RRBP1: variants seen among roughly 807,000 people sequenced by gnomAD.
The protein encoded by RRBP1 is ribosome-binding protein 1.
A neutral mutation model predicts 165.2 loss-of-function variants in RRBP1; 94 were observed. The ratio of observed to expected loss-of-function variants is 0.57; its 90% CI spans 0.48 to 0.68. RRBP1 has a LOEUF of 0.68. Among genes scored for constraint, RRBP1 ranks in the 30% least tolerant of loss-of-function variants. The pLI is 0.00. For missense variants in RRBP1, 1,676 were observed against 1,763.0 expected (o/e 0.95, Z 0.88); for synonymous variants, 680 against 714.5 (o/e 0.95, Z 0.77).
At chr20:17,627,476 TCC>T in intron 10 of RRBP1, 26 bp downstream of exon 10, 1 of 1,605,246 alleles carries the variant, frequency 6.2e-7, no homozygotes, top group African/African-American at 1.3e-5. Context: ...TTCCCTTTCC[TCC>T]CCGTGGCCCC....
At chr20:17,677,946 G>GGA (rs1188323278) in intron 2 of RRBP1, among the ~76,000 whole-genome samples, 2 of 152,206 alleles carry the variant, frequency 1.3e-5, no homozygotes, top group Non-Finnish European at 2.9e-5. Flanking sequence ...CAAGAACACT[G>GGA]GAACTCCAAT....
chr20:17,681,943 C>T (rs945436278), intron 1 of RRBP1, 85 bp downstream of exon 1: 1 of 147,414 alleles, frequency 6.8e-6, no homozygotes, highest in African/African-American at 2.4e-5. Flanking sequence ...GGAGACGTGT[C>T]ACTCGCGGCG....
chr20:17,641,766 C>T (rs761188318), intron 5 of RRBP1, 31 bp downstream of exon 5: 3 of 1,609,846 alleles, frequency 1.9e-6, no homozygotes, highest in Middle Eastern at 2.2e-4. Context: ...CGGGAGAGGA[C>T]AAACCATCTC....
intron 3 of RRBP1, among the ~76,000 whole-genome samples, chr20:17,644,544 C>G (rs571807575): frequency 6.6e-6 from 1 of 152,336 alleles, no homozygotes. Flanking sequence ...CCAGCACTTT[C>G]CAGGAGACAG....
chr20:17,635,093 G>A (rs1004290423), intron 7 of RRBP1, among the ~76,000 whole-genome samples: 1 of 152,168 alleles, frequency 6.6e-6, no homozygotes, highest in African/African-American at 2.4e-5. Flanking sequence ...GGTTTCTCGA[G>A]GGCTGCCACT....
intron 2 of RRBP1, among the ~76,000 whole-genome samples, chr20:17,661,221 T>C (rs79560037): frequency 0.013 from 1,998 of 152,284 alleles, 26 homozygotes; most frequent in South Asian, 0.05. Flanking sequence ...GGATCAGAGA[T>C]AAAAACTTCT....
intron 13 of RRBP1, chr20:17,623,126 A>G (rs942153450): frequency 1.3e-5 from 2 of 152,254 alleles, no homozygotes; most frequent in Non-Finnish European, 2.9e-5. Flanking sequence ...ACCACAATCA[A>G]GTCAGGTGAC....
At chr20:17,625,681 G>T in intron 11 of RRBP1, 79 bp from the exon 12 acceptor site, 1 of 1,201,920 alleles carries the variant, frequency 8.3e-7, no homozygotes, top group African/African-American at 1.5e-5. Context: ...GCCCCATCCA[G>T]GGAGGAGTAC....
intron 2 of RRBP1, among the ~76,000 whole-genome samples, chr20:17,675,158 G>A (rs947162903): frequency 1.3e-4 from 20 of 152,256 alleles, no homozygotes; most frequent in Non-Finnish European, 2.8e-4. Flanking sequence ...CGCTGGAAGG[G>A]CAGGATGTCC....
intron 3 of RRBP1, among the ~76,000 whole-genome samples, chr20:17,649,271 G>A (rs1443207180): frequency 6.6e-6 from 1 of 152,166 alleles, no homozygotes; most frequent in Non-Finnish European, 1.5e-5. Flanking sequence ...TGCAACTGCC[G>A]GCGAGAAGGG....
At chr20:17,624,478 A>G in intron 13 of RRBP1, 98 bp downstream of exon 13, 1 of 804,110 alleles carries the variant, frequency 1.2e-6, no homozygotes, top group Admixed American at 2.0e-5. Flanking sequence ...TGTGCGTCCT[A>G]GAGCATCTGG....
intron 2 of RRBP1, among the ~76,000 whole-genome samples, chr20:17,670,040 A>G (rs925401441): frequency 6.6e-6 from 1 of 152,170 alleles, no homozygotes; most frequent in Non-Finnish European, 1.5e-5. Context: ...GTCTCTCTTT[A>G]GTGTGAGATT....
At chr20:17,625,433 T>A (rs2035998191) in intron 12 of RRBP1, 79 bp downstream of exon 12, 1 of 1,238,098 alleles carries the variant, frequency 8.1e-7, no homozygotes, top group African/African-American at 1.5e-5. Flanking sequence ...CCAGGGCGGG[T>A]GCCACATAGC....
Position 17,636,731 on chromosome 20 carries a change from T to G in RRBP1, c.2185-2A>C. ...TTTGGCCTTTTCTGCTGCCATCTCC[T>G]GGGGGGAAAGTAGCAGAGAGAGGGG... On this transcript the variant is annotated splice_acceptor_variant, in intron 5 of 24. Coordinates refer to ENST00000377813, the MANE Select transcript of RRBP1 (RefSeq NM_001365613.2). LOFTEE classifies it high-confidence loss of function. 1 of 1,612,548 alleles carries G rather than the reference T, an allele frequency of 6.2e-7. No homozygotes were observed. The highest frequency in any genetic ancestry group is 8.5e-7 in the Non-Finnish European group (1 of 1,179,994).
chr20:17,632,865 T>C (rs977963855), intron 8 of RRBP1, among the ~76,000 whole-genome samples: 2 of 151,844 alleles, frequency 1.3e-5, no homozygotes, highest in Admixed American at 1.3e-4. Context: ...ACAATCTTCC[T>C]CCCTCTGAAG....
chr20:17,649,198 T>C (rs1017154792), intron 3 of RRBP1, among the ~76,000 whole-genome samples: 2 of 152,228 alleles, frequency 1.3e-5, no homozygotes, highest in Non-Finnish European at 2.9e-5. Context: ...CTTCAGACCC[T>C]GAGAAACTGA....
intron 2 of RRBP1, among the ~76,000 whole-genome samples, chr20:17,674,455 T>C (rs1346400393): frequency 1.3e-5 from 2 of 151,658 alleles, no homozygotes; most frequent in African/African-American, 2.4e-5. Flanking sequence ...GAAAACAAAA[T>C]GTAATGCCAA....
At chr20:17,623,575 C>A (rs932926246) in intron 13 of RRBP1, among the ~76,000 whole-genome samples, 1 of 152,216 alleles carries the variant, frequency 6.6e-6, no homozygotes, top group South Asian at 2.1e-4. Flanking sequence ...GAGCGCAGGG[C>A]CAACGCGGCC....
rs1052815 is a variant in RRBP1 at position 17,613,952 on chromosome 20, G to A, written c.*230C>T. ...CTTTGGCGTCACTCGGCGGTGGCCC[G>A]GGGCTGCGCCCAGGATAGTGTTTAT... is the stretch of plus-strand genomic sequence containing the variant. On this transcript the variant is annotated 3_prime_UTR_variant, in exon 25 of 25. Coordinates refer to ENST00000377813, the MANE Select transcript of RRBP1 (RefSeq NM_001365613.2). 18 of 525,086 alleles carry A rather than the reference G, an allele frequency of 3.4e-5. No individual in the cohort carries two copies. Among genetic ancestry groups the A allele is most frequent in the South Asian group, 1.6e-4 (6 of 37,354 alleles). 32.5% of individuals were successfully genotyped at this position (525,086 alleles called of 1,614,324 possible). A position where few individuals can be genotyped will look rare whatever the true frequency, so the allele number is the denominator to read the frequency against.
Sources: gnomAD v4.1 joint callset for allele counts (sites outside exome capture counted in the v4.1 genomes callset) on GRCh38, gnomAD v4.1.1 for gene constraint, MANE v1.5 for transcripts, NCBI Gene and HGNC (gene_info 2026-07-23, HGNC 2026-07-21) for gene names.